Variants in NALF1 observed in about 807,000 individuals in gnomAD.
The protein encoded by NALF1 is family with sequence similarity 155 member A.
In NALF1, 3 loss-of-function variants were observed where a neutral mutation model predicts 48.4. That is an observed-to-expected ratio of 0.06 (90% CI 0.03 to 0.16). The LOEUF (loss-of-function observed/expected upper bound fraction) is 0.16, where lower values mean the gene tolerates loss of function less well. NALF1 is among the 10% of genes least tolerant of loss of function. The pLI, the probability that NALF1 is intolerant of heterozygous loss-of-function variation, is 1.00. For missense variants in NALF1, 526 were observed against 571.5 expected, an observed-to-expected ratio of 0.92 and a Z score of 0.81; for synonymous variants, 262 against 245.7, an observed-to-expected ratio of 1.07 and a Z score of -0.62.
intron 2 of NALF1, among the ~76,000 whole-genome samples, chr13:107,175,396 G>T (rs1018009918): frequency 2.0e-5 from 3 of 152,044 alleles, no homozygotes; most frequent in African/African-American, 7.2e-5. Flanking sequence ...AACTGACTCT[G>T]TTTCCTCTCT....
chr13:107,866,120 T>A lies in NALF1; in HGVS notation c.477A>T (p.Gly159=). ...KDDRGKALFL[G]NSAKPVWRLE... is the part of the protein sequence containing the mutation. ...GGCGCCACACGGGCTTGGCAGAGTT[T>A]CCTAGAAAAAGAGCCTTGCCCCGGT... is the stretch of plus-strand genomic sequence containing the variant. Residue 159 remains glycine, a synonymous_variant, in exon 1 of 3, where the codon GGA becomes GGT. Coordinates refer to ENST00000375915, the MANE Select transcript of NALF1 (RefSeq NM_001080396.3). This position sits in a 1 kb window ranked among gnomAD's most constrained non-coding sequence, Gnocchi z 4.4. 6.2e-7 allele frequency: 1 copy of A among 1,612,472 alleles called. No individual in the cohort carries two copies. The highest frequency in any genetic ancestry group is 8.5e-7 in the Non-Finnish European group (1 of 1,179,758).
chr13:107,513,227 T>C (rs1459132957), intron 1 of NALF1, among the ~76,000 whole-genome samples: 1 of 152,214 alleles, frequency 6.6e-6, no homozygotes, highest in Non-Finnish European at 1.5e-5. Context: ...TACTACAAGC[T>C]TACCAATTAT....
At chr13:107,273,802 G>T (rs185425844) in intron 1 of NALF1, among the ~76,000 whole-genome samples, 1 of 152,118 alleles carries the variant, frequency 6.6e-6, no homozygotes, top group Non-Finnish European at 1.5e-5. Context: ...TGAGAGAGAA[G>T]AGGGCACTTC....
At chr13:107,600,512 C>T (rs951029793) in intron 1 of NALF1, among the ~76,000 whole-genome samples, 11 of 152,192 alleles carry the variant, frequency 7.2e-5, no homozygotes, top group Middle Eastern at 6.8e-3. Context: ...ATTCAATATT[C>T]ATAAAAACAA....
intron 1 of NALF1, among the ~76,000 whole-genome samples, chr13:107,385,907 A>G (rs1286165621): frequency 6.6e-6 from 1 of 152,188 alleles, no homozygotes; most frequent in African/African-American, 2.4e-5. Flanking sequence ...CCAAACAATG[A>G]ATTAGAAAAA....
chr13:107,722,882 G>A (rs987254410), intron 1 of NALF1, among the ~76,000 whole-genome samples: 2 of 152,200 alleles, frequency 1.3e-5, no homozygotes, highest in Admixed American at 6.5e-5. Flanking sequence ...GGTCCCAAGC[G>A]TAAGGCATTG....
At chr13:107,359,432 C>T (rs2138953207) in intron 1 of NALF1, among the ~76,000 whole-genome samples, 1 of 152,134 alleles carries the variant, frequency 6.6e-6, no homozygotes, top group South Asian at 2.1e-4. Context: ...TGAAGTGTTA[C>T]TTAATAACTG....
chr13:107,325,453 T>C lies in NALF1; in HGVS notation c.916-114698A>G, dbSNP rs909673451. ...TGGAATATAATGGCTTGCCCAAAAT[T>C]AGTATGTTTCAGAGCTGAGGAAAAG... is the stretch of plus-strand genomic sequence containing the variant. On this transcript the variant is annotated intron_variant, in intron 1 of 2. Coordinates refer to ENST00000375915, the MANE Select transcript of NALF1 (RefSeq NM_001080396.3). Among the ~76,000 whole-genome samples, 4 of 152,234 alleles carry C rather than the reference T, an allele frequency of 2.6e-5. No individual in the cohort carries two copies. The South Asian group carries it at 8.3e-4, about 32-fold the overall frequency.
chr13:107,330,613 A>C (rs1882451267), intron 1 of NALF1, among the ~76,000 whole-genome samples: 1 of 152,230 alleles, frequency 6.6e-6, no homozygotes. Context: ...TTATCACATA[A>C]GGTCTTTTTC....
chr13:107,584,973 T>C (rs1878412705), intron 1 of NALF1, among the ~76,000 whole-genome samples: 1 of 152,210 alleles, frequency 6.6e-6, no homozygotes, highest in Non-Finnish European at 1.5e-5. Flanking sequence ...CTATAAATGC[T>C]GCCTTCTAAA....
At chr13:107,487,421 G>A (rs1885346644) in intron 1 of NALF1, among the ~76,000 whole-genome samples, 1 of 152,102 alleles carries the variant, frequency 6.6e-6, no homozygotes, top group Admixed American at 6.6e-5. Flanking sequence ...AAAAAATGGG[G>A]ATTTATAACC....
At chr13:107,473,817 G>A (rs990144912) in intron 1 of NALF1, among the ~76,000 whole-genome samples, 1 of 152,158 alleles carries the variant, frequency 6.6e-6, no homozygotes, top group African/African-American at 2.4e-5. Flanking sequence ...ACATTCAAGG[G>A]GAAACAAAAG....
At chr13:107,690,741 A>G (rs1421127929) in intron 1 of NALF1, among the ~76,000 whole-genome samples, 2 of 152,190 alleles carry the variant, frequency 1.3e-5, no homozygotes, top group Non-Finnish European at 2.9e-5. Context: ...TCTTAACCAA[A>G]GGATCGAATG....
At chr13:107,835,692 A>T (rs186251384) in intron 1 of NALF1, among the ~76,000 whole-genome samples, 2 of 152,318 alleles carry the variant, frequency 1.3e-5, no homozygotes, top group East Asian at 3.9e-4. Context: ...TATTAATAAT[A>T]ATATTCAAGC....
At chr13:107,748,495 A>G (rs1008758363) in intron 1 of NALF1, among the ~76,000 whole-genome samples, 2 of 152,326 alleles carry the variant, frequency 1.3e-5, no homozygotes, top group South Asian at 2.1e-4. Flanking sequence ...ATTATTCTCC[A>G]TTAGGTCAGA....
At chr13:107,783,225 T>C (rs1189525646) in intron 1 of NALF1, among the ~76,000 whole-genome samples, 1 of 102,012 alleles carries the variant, frequency 9.8e-6, no homozygotes, top group Non-Finnish European at 2.0e-5. Flanking sequence ...AGCCGCCCCG[T>C]CCGGGAGGGA....
intron 1 of NALF1, among the ~76,000 whole-genome samples, chr13:107,300,579 G>A (rs755383359): frequency 7.2e-5 from 11 of 152,084 alleles, no homozygotes; most frequent in Non-Finnish European, 1.3e-4. Flanking sequence ...CACTTAGTTG[G>A]TTGTAATAAA....
At position 107,565,339 on chromosome 13, in the gene NALF1, C is replaced by T. The variant is rs1250005904; in HGVS notation, c.915+300343G>A. Among the ~76,000 whole-genome samples the T allele has an allele frequency of 3.5e-5, 5 of 142,694 alleles. No individual in the cohort carries two copies. In the East Asian group the frequency reaches 1.1e-3, roughly 30 times the overall value. 93.6% of individuals were successfully genotyped at this position (142,694 alleles called of 152,430 possible). A position where few individuals can be genotyped will look rare whatever the true frequency, so the allele number is the denominator to read the frequency against. The stretch of plus-strand genomic sequence containing the variant: ...AGTCAAGGCTCCAGTGAGCTGCCAT[C>T]GTGCCACTGCACTCCAGTCTGGGTG... On this transcript the variant is annotated intron_variant, in intron 1 of 2. Coordinates refer to ENST00000375915, the MANE Select transcript of NALF1 (RefSeq NM_001080396.3).
intron 1 of NALF1, among the ~76,000 whole-genome samples, chr13:107,448,223 C>G (rs977640066): frequency 6.6e-6 from 1 of 152,134 alleles, no homozygotes; most frequent in Non-Finnish European, 1.5e-5. Flanking sequence ...GGGTCTGTAT[C>G]AGGCCACATT....
Sources: gnomAD v4.1 joint callset for allele counts (sites outside exome capture counted in the v4.1 genomes callset) on GRCh38, gnomAD v4.1.1 for gene constraint, Gnocchi (gnomAD v3.1) non-coding constraint, MANE v1.5 for transcripts, NCBI Gene and HGNC (gene_info 2026-07-23, HGNC 2026-07-21) for gene names.